The following CALN1 variants were observed in gnomAD, a reference collection of about 807,000 sequenced individuals.
The protein encoded by CALN1 is calcium-binding protein 8.
In CALN1, 17 loss-of-function variants were observed where a neutral mutation model predicts 30.6. That is an observed-to-expected ratio of 0.56 (90% CI 0.38 to 0.83). The LOEUF (loss-of-function observed/expected upper bound fraction) is 0.83. CALN1 is among the 40% of genes least tolerant of loss of function. The pLI is 0.00. For missense variants in CALN1, 291 were observed against 354.9 expected, an observed-to-expected ratio of 0.82 and a Z score of 1.45; for synonymous variants, 156 against 131.4, an observed-to-expected ratio of 1.19 and a Z score of -1.28.
intron 3 of CALN1, among the ~76,000 whole-genome samples, chr7:72,122,129 C>A (rs1808440648): frequency 6.6e-6 from 1 of 151,826 alleles, no homozygotes; most frequent in African/African-American, 2.4e-5. Context: ...GCCCATACGG[C>A]AATATTGGAT....
rs578229960 is a variant in CALN1, at chr7:72,427,994, A to G, written c.-225-15719T>C. Among the ~76,000 whole-genome samples the G allele has an allele frequency of 1.3e-4, 20 of 152,232 alleles. No individual in the cohort carries two copies. In the East Asian group the frequency reaches 2.5e-3, roughly 19 times the overall value. On this transcript the variant is annotated intron_variant, in intron 1 of 6. Transcript: ENST00000395276. ...CATTTTTACACCTGATATTCCGTCC[A>G]GGGTGCTCCTGCCCCACCACGCAAA...
chr7:72,198,495 C>T (rs1791193980), intron 3 of CALN1, among the ~76,000 whole-genome samples: 1 of 152,126 alleles, frequency 6.6e-6, no homozygotes. Flanking sequence ...GTCCTGACAT[C>T]GAACTCTCCC....
At chr7:72,244,428 G>A (rs1795033335) in intron 3 of CALN1, among the ~76,000 whole-genome samples, 1 of 152,116 alleles carries the variant, frequency 6.6e-6, no homozygotes, top group South Asian at 2.1e-4. Context: ...TGAAAAATAA[G>A]CGTGTTCCTG....
intron 3 of CALN1, among the ~76,000 whole-genome samples, chr7:72,163,814 T>C (rs1788316889): frequency 6.6e-6 from 1 of 152,058 alleles, no homozygotes; most frequent in Admixed American, 6.6e-5. Context: ...TTAACATACA[T>C]GTAATGAAAA....
intron 2 of CALN1, among the ~76,000 whole-genome samples, chr7:72,287,568 TCCCGAGTAGCTGGGA>T (rs1164136094): frequency 7.0e-6 from 1 of 143,868 alleles, no homozygotes; most frequent in East Asian, 2.2e-4. Flanking sequence ...TGCCTCAGCC[TCCCGAGTAGCTGGGA>T]CTACTGGCGC....
chr7:71,824,100 T>C (rs1030586917), intron 5 of CALN1, among the ~76,000 whole-genome samples: 1 of 152,116 alleles, frequency 6.6e-6, no homozygotes, highest in Non-Finnish European at 1.5e-5. Flanking sequence ...TGTCTCACTA[T>C]GTTACCCAGG....
At chr7:72,309,905 CA>C (rs765873732) in intron 2 of CALN1, among the ~76,000 whole-genome samples, 8 of 152,158 alleles carry the variant, frequency 5.3e-5, no homozygotes, top group Non-Finnish European at 8.8e-5. Flanking sequence ...TATCCAGGGC[CA>C]GGGGCAAGCC....
chr7:71,958,291 T>A (rs1054721274), intron 5 of CALN1, among the ~76,000 whole-genome samples: 10 of 152,116 alleles, frequency 6.6e-5, no homozygotes, highest in Non-Finnish European at 1.5e-4. Context: ...TGTTCCCCTC[T>A]GTTTGTCAGG....
chr7:72,150,226 G>C (rs1349106137), intron 3 of CALN1, among the ~76,000 whole-genome samples: 2 of 152,048 alleles, frequency 1.3e-5, no homozygotes, highest in African/African-American at 4.8e-5. Context: ...ATGCAAGATG[G>C]AGCCCAAGTT....
intron 3 of CALN1, among the ~76,000 whole-genome samples, chr7:72,188,154 A>G (rs1161841144): frequency 6.6e-6 from 1 of 152,130 alleles, no homozygotes; most frequent in Non-Finnish European, 1.5e-5. Flanking sequence ...ATCATCATGC[A>G]CAAAGGATAC....
At chr7:72,017,234 G>A (rs978201555) in intron 5 of CALN1, among the ~76,000 whole-genome samples, 3 of 150,282 alleles carry the variant, frequency 2.0e-5, no homozygotes, top group Admixed American at 1.3e-4. Flanking sequence ...CAGGAGACAC[G>A]AGACCACAGC....
chr7:72,384,903 T>A (rs1003557784), intron 2 of CALN1, among the ~76,000 whole-genome samples: 2 of 152,010 alleles, frequency 1.3e-5, no homozygotes. Context: ...AGAACGCATA[T>A]CTGATAAAGG....
chr7:71,882,153 T>A (rs1294845773), intron 5 of CALN1, among the ~76,000 whole-genome samples: 1 of 152,150 alleles, frequency 6.6e-6, no homozygotes, highest in Non-Finnish European at 1.5e-5. Flanking sequence ...CAGAATCCAT[T>A]TCCTCGCTTC....
chr7:72,135,894 A>G (rs1266335277), intron 3 of CALN1, among the ~76,000 whole-genome samples: 2 of 152,076 alleles, frequency 1.3e-5, no homozygotes, highest in African/African-American at 4.8e-5. Context: ...GCACTTTGGG[A>G]GGCCGAGGTG....
intron 3 of CALN1, among the ~76,000 whole-genome samples, chr7:72,248,021 A>C (rs954684356): frequency 8.5e-5 from 13 of 152,240 alleles, no homozygotes; most frequent in African/African-American, 2.9e-4. Flanking sequence ...GAAAAACACA[A>C]ATGTATCATC....
chr7:72,218,305 G>T (rs1003094749), intron 3 of CALN1, among the ~76,000 whole-genome samples: 1 of 151,764 alleles, frequency 6.6e-6, no homozygotes, highest in Non-Finnish European at 1.5e-5. Flanking sequence ...AAAATTATCC[G>T]GGCATGGTGG....
chr7:72,013,247 ATTT>A (rs1025112311), intron 5 of CALN1, among the ~76,000 whole-genome samples: 33 of 92,968 alleles, frequency 3.5e-4, no homozygotes, highest in African/African-American at 1.4e-3. Flanking sequence ...CTAATTTGAG[ATTT>A]TTTTTTTTTT....
chr7:72,059,486 A>T (rs1803498923), intron 4 of CALN1, among the ~76,000 whole-genome samples: 1 of 152,142 alleles, frequency 6.6e-6, no homozygotes, highest in Admixed American at 6.5e-5. Context: ...GTAAGTCAAT[A>T]CTTCAGGCTA....
intron 3 of CALN1, among the ~76,000 whole-genome samples, chr7:72,250,783 C>G (rs1795500398): frequency 6.6e-6 from 1 of 152,106 alleles, no homozygotes; most frequent in Non-Finnish European, 1.5e-5. Flanking sequence ...CTCCCTGAGG[C>G]CTCACCAGAA....
Sources: gnomAD v4.1 joint callset for allele counts (sites outside exome capture counted in the v4.1 genomes callset) on GRCh38, gnomAD v4.1.1 for gene constraint, MANE v1.5 for transcripts, NCBI Gene and HGNC (gene_info 2026-07-23, HGNC 2026-07-21) for gene names.